The following ACACB variants were observed in gnomAD, a reference collection of about 807,000 sequenced individuals.
ACACB encodes acetyl-CoA carboxylase beta.
Under a neutral mutation model 278.8 loss-of-function variants are expected in ACACB, and 209 were observed. The ratio of observed to expected loss-of-function variants is 0.75; its 90% confidence interval spans 0.67 to 0.84. The LOEUF (loss-of-function observed/expected upper bound fraction) is 0.84. Among genes scored for constraint, ACACB ranks in the 40% least tolerant of loss-of-function variants. ACACB has a pLI of 0.00. For missense variants in ACACB, 2,850 were observed against 3,269.0 expected, an observed-to-expected ratio of 0.87 and a Z score of 3.13; for synonymous variants, 1,174 against 1,285.6, an observed-to-expected ratio of 0.91 and a Z score of 1.86.
chr12:109,203,107 T>C (rs2045385206), intron 19 of ACACB, among the ~76,000 whole-genome samples: 1 of 152,230 alleles, frequency 6.6e-6, no homozygotes, highest in South Asian at 2.1e-4. Flanking sequence ...GGAATCTATA[T>C]AGTATCTGGC....
At chr12:109,140,248 TTCCTTCCA>T (rs2043075911) in intron 2 of ACACB, among the ~76,000 whole-genome samples, 190 bp downstream of exon 2, 1 of 133,986 alleles carries the variant, frequency 7.5e-6, no homozygotes, top group South Asian at 2.4e-4. Flanking sequence ...CCTTCCTTCC[TTCCTTCCA>T]TCCTTCCTTC....
intron 24 of ACACB, among the ~76,000 whole-genome samples, chr12:109,220,170 A>T (rs1489607855): frequency 6.6e-6 from 1 of 152,126 alleles, no homozygotes; most frequent in Non-Finnish European, 1.5e-5. Flanking sequence ...AGTTCTTGGG[A>T]ATTGGGACAT....
chr12:109,226,001 C>T (rs2046301940), intron 27 of ACACB, among the ~76,000 whole-genome samples: 2 of 152,108 alleles, frequency 1.3e-5, no homozygotes, highest in South Asian at 4.1e-4. Flanking sequence ...GGTGAGGTGG[C>T]TCATGCCTGT....
intron 27 of ACACB, among the ~76,000 whole-genome samples, chr12:109,227,014 T>G (rs2046331783): frequency 6.6e-6 from 1 of 152,022 alleles, no homozygotes; most frequent in East Asian, 1.9e-4. Context: ...GCAGTGGTGC[T>G]ATCATAGCTC....
intron 38 of ACACB, 46 bp from the exon 39 acceptor site, chr12:109,246,133 C>T (rs756581110): frequency 6.4e-7 from 1 of 1,557,524 alleles, no homozygotes; most frequent in Admixed American, 2.0e-5. Context: ...AAGTTTTCCC[C>T]CAAAGAAACA....
intron 28 of ACACB, among the ~76,000 whole-genome samples, chr12:109,230,566 G>C (rs573731608): frequency 4.5e-4 from 68 of 152,334 alleles, no homozygotes; most frequent in African/African-American, 1.6e-3. Flanking sequence ...GGGACCACAG[G>C]CTTGCGCCAC....
At chr12:109,208,697 T>A (rs188915670) in intron 20 of ACACB, among the ~76,000 whole-genome samples, 7 of 152,248 alleles carry the variant, frequency 4.6e-5, no homozygotes, top group Admixed American at 4.6e-4. Context: ...ATAGCCTGGG[T>A]TTGCTTCTTA....
At position 109,265,401 on chromosome 12, in the gene ACACB, GACA is replaced by G. The variant is rs1388648373; in HGVS notation, c.7132_7134del (p.Asn2378del). On this transcript the variant is annotated inframe_deletion, in exon 52 of 53. Coordinates refer to ENST00000338432, the MANE Select transcript of ACACB (RefSeq NM_001093.4). ...GCCCCCTCCCCAGGCCTACTTGTGG[GACA>G]ACAACCAGGTGGTTGTGCAGTGGCT... The G allele has an allele frequency of 1.2e-6, 2 of 1,613,814 alleles. No homozygotes were observed. Among genetic ancestry groups the G allele is most frequent in the Admixed American group, 3.3e-5 (2 of 60,006 alleles).
intron 24 of ACACB, among the ~76,000 whole-genome samples, chr12:109,219,073 C>CT (rs1431279808): frequency 6.6e-6 from 1 of 151,818 alleles, no homozygotes; most frequent in Non-Finnish European, 1.5e-5. Flanking sequence ...GGCCTGGCAA[C>CT]TTTTTTTTGT....
chr12:109,211,425 A>AT (rs1290356294), intron 21 of ACACB, among the ~76,000 whole-genome samples: 2 of 83,780 alleles, frequency 2.4e-5, no homozygotes, highest in African/African-American at 4.9e-5. Context: ...ATTTTTTTGT[A>AT]TTTTTTTAGT....
At chr12:109,129,666 C>T (rs1389584623) in intron 1 of ACACB, among the ~76,000 whole-genome samples, 1 of 152,226 alleles carries the variant, frequency 6.6e-6, no homozygotes, top group African/African-American at 2.4e-5. Flanking sequence ...GAGACTTTCC[C>T]CTTTGGAAAA....
intron 1 of ACACB, among the ~76,000 whole-genome samples, chr12:109,123,593 T>G (rs952066861): frequency 1.3e-5 from 2 of 151,782 alleles, no homozygotes; most frequent in Non-Finnish European, 2.9e-5. Context: ...CTCAGGAGGC[T>G]GAGGCAGGAG....
intron 13 of ACACB, 36 bp downstream of exon 13, chr12:109,188,198 CT>C (rs759639464): frequency 2.4e-6 from 3 of 1,245,070 alleles, no homozygotes; most frequent in Non-Finnish European, 3.4e-6. Context: ...TCCTTCCTTC[CT>C]TCCTTCCTTC....
At chr12:109,181,302 A>C (rs1273207309) in intron 11 of ACACB, among the ~76,000 whole-genome samples, 1 of 143,084 alleles carries the variant, frequency 7.0e-6, no homozygotes, top group African/African-American at 2.6e-5. Flanking sequence ...ATCTCGGCTC[A>C]CTGCAACCTC....
At chr12:109,255,520 G>T (rs1281741921) in intron 44 of ACACB, among the ~76,000 whole-genome samples, 1 of 152,218 alleles carries the variant, frequency 6.6e-6, no homozygotes. Context: ...TGCTGAAGCT[G>T]TGCTGTTGCA....
intron 9 of ACACB, among the ~76,000 whole-genome samples, chr12:109,178,255 G>A (rs954619002): frequency 7.2e-5 from 11 of 152,150 alleles, no homozygotes; most frequent in Admixed American, 5.9e-4. Flanking sequence ...ATCATTGCAC[G>A]TGAATACTTT....
chr12:109,168,292 G>C (rs1169674991), intron 4 of ACACB, among the ~76,000 whole-genome samples: 1 of 152,232 alleles, frequency 6.6e-6, no homozygotes, highest in Non-Finnish European at 1.5e-5. Flanking sequence ...TGTTCTAGCA[G>C]ATTGGGGGCT....
chr12:109,173,995 T>C (rs768906351), intron 6 of ACACB, 137 bp from the exon 7 acceptor site: 22 of 634,784 alleles, frequency 3.5e-5, no homozygotes, highest in African/African-American at 5.5e-5. Flanking sequence ...TTAAGCTCCT[T>C]GAGAGCTGGG....
rs145443619 is a variant in ACACB, at chr12:109,162,793, C to T, written c.654-4068C>T. On this transcript the variant is annotated intron_variant, in intron 2 of 52. Coordinates refer to ENST00000338432, the MANE Select transcript of ACACB (RefSeq NM_001093.4). The stretch of plus-strand genomic sequence containing the variant: ...ACAAAGATACTGACTCAGGGGATCC[C>T]CAACGCACTCCTACCTCACCCTACA... Among the ~76,000 whole-genome samples, 1,024 of 152,306 alleles carry T rather than the reference C, an allele frequency of 6.7e-3. 3 individuals are homozygous for T. The highest frequency in any genetic ancestry group is 0.011 in the Non-Finnish European group (735 of 68,044).
Sources: gnomAD v4.1 joint callset for allele counts (sites outside exome capture counted in the v4.1 genomes callset) on GRCh38, gnomAD v4.1.1 for gene constraint, MANE v1.5 for transcripts, NCBI Gene and HGNC (gene_info 2026-07-23, HGNC 2026-07-21) for gene names.